SPEF1: variants seen among roughly 807,000 people sequenced by gnomAD.
SPEF1 encodes the protein sperm flagella and cilia-associated protein 1.
A neutral mutation model predicts 31.8 loss-of-function variants in SPEF1; 30 were observed. The ratio of observed to expected loss-of-function variants is 0.94; its 90% CI spans 0.70 to 1.28. The LOEUF (loss-of-function observed/expected upper bound fraction) is 1.28, where lower values mean the gene tolerates loss of function less well. SPEF1 is among the 50% of genes most tolerant of loss of function. The pLI is 0.00. For missense variants in SPEF1, 298 were observed against 309.6 expected (o/e 0.96, Z 0.28); for synonymous variants, 126 against 130.1 (o/e 0.97, Z 0.21).
chr20:3,779,842 TG>T, intron 1 of SPEF1, 67 bp from the exon 2 acceptor site: 1 of 199,204 alleles, frequency 5.0e-6, no homozygotes, highest in Non-Finnish European at 1.0e-5. Context: ...TGAGAGAAGG[TG>T]GGGGTGGGAG....
rs763609370 is a variant in SPEF1 at position 3,778,335 on chromosome 20, C to A, written c.604-16G>T. ...TCTGCAGGACCTAAGCCGCACCGCG[C>A]AGGCGTCAAGCCTGGCGGTCTGCTC... On this transcript the variant is annotated splice_polypyrimidine_tract_variant and intron_variant, in intron 6 of 6. Transcript: ENST00000379756. The A allele has an allele frequency of 6.2e-7, 1 of 1,612,336 alleles. No individual in the cohort carries two copies. Among genetic ancestry groups the A allele is most frequent in the East Asian group, 2.2e-5 (1 of 44,814 alleles).
In SPEF1 at chr20:3,778,537, G is replaced by T; in HGVS notation, c.487C>A (p.Arg163=). ...GCTGGAGGCCGAGGCGCCGGCGGCCGGTCCCAGCTGGGGTGGGAAGCAGCT... is the reference window on the plus strand; with the variant it reads ...GCTGGAGGCCGAGGCGCCGGCGGCCTGTCCCAGCTGGGGTGGGAAGCAGCT... ...PQGGGQLSWD[R]PPAPRPPAYN... is the part of the protein sequence containing the mutation. The change falls in exon 6 of 7, where the codon CGG becomes AGG. Residue 163 remains arginine, a synonymous_variant. Transcript: ENST00000379756. The T allele has an allele frequency of 6.2e-7, 1 of 1,606,336 alleles. No homozygotes were observed.
rs764364382 is a variant in SPEF1, at chr20:3,779,310, C to T, written c.264G>A (p.Val88=). 2 of 1,601,072 alleles carry T rather than the reference C, an allele frequency of 1.2e-6. No homozygotes were observed. Among genetic ancestry groups the T allele is most frequent in the Non-Finnish European group, 1.7e-6 (2 of 1,172,600 alleles). ...KRLNFSVPDD[V]MRKIAQCAPG... ...GGGCGCACTGCGCGATCTTGCGCATCACGTCATCCGGTACTGAAAAGTTCA... is the reference window on the plus strand; with the variant it reads ...GGGCGCACTGCGCGATCTTGCGCATTACGTCATCCGGTACTGAAAAGTTCA... Residue 88 remains valine, a synonymous_variant, in exon 3 of 7, where the codon GTG becomes GTA. Transcript: ENST00000379756.
At chr20:3,779,828 G>A (rs1241450241) in intron 1 of SPEF1, 53 bp from the exon 2 acceptor site, 5 of 734,564 alleles carry the variant, frequency 6.8e-6, no homozygotes, top group South Asian at 1.5e-5. Flanking sequence ...AAGGAAGGAG[G>A]AGGTGAGAGA....
intron 1 of SPEF1, among the ~76,000 whole-genome samples, chr20:3,780,334 C>CAAAAA (rs58819644): frequency 3.4e-5 from 2 of 58,318 alleles, no homozygotes; most frequent in African/African-American, 7.6e-5. Context: ...GACTCTGTCT[C>CAAAAA]AAAAAAAAAA....
Position 3,780,886 on chromosome 20 carries a change from A to G in SPEF1, c.109+293T>C, listed in dbSNP as rs747620530. Among the ~76,000 whole-genome samples the G allele has an allele frequency of 5.3e-5, 8 of 152,212 alleles. No homozygotes were observed. In the South Asian group the frequency reaches 8.3e-4, roughly 16 times the overall value. On this transcript the variant is annotated intron_variant, in intron 1 of 6. Transcript: ENST00000379756. ...CATAGCAATGAGTGAGCACATACAG[A>G]AATGCATAAATACATATGCAGACAC...
intron 1 of SPEF1, among the ~76,000 whole-genome samples, 170 bp downstream of exon 1, chr20:3,781,009 C>T (rs994826053): frequency 3.9e-5 from 6 of 152,162 alleles, no homozygotes; most frequent in Admixed American, 6.5e-5. Context: ...GGACACACAT[C>T]GTTCACACAC....
Position 3,781,199 on chromosome 20 carries a change from G to T in SPEF1, c.89C>A (p.Ser30Tyr). The T allele has an allele frequency of 6.2e-7, 1 of 1,614,208 alleles. No homozygotes were observed. The highest frequency in any genetic ancestry group is 8.5e-7 in the Non-Finnish European group (1 of 1,180,032). ...CACACCTCCATCGCTAAAGTCCCGG[G>T]AGAGGTTTCGCTTGGGCCGGGACAG... ...IPLSRPKRNL[S>Y]RDFSDGVLVA... The change falls in exon 1 of 7, where the codon TCC becomes TAC. Residue 30 changes from serine to tyrosine, a missense_variant. By Grantham distance (144) the Ser-to-Tyr change is moderately radical. Transcript: ENST00000379756.
intron 1 of SPEF1, among the ~76,000 whole-genome samples, chr20:3,780,334 CA>C (rs58819644): frequency 0.043 from 2,477 of 58,228 alleles, 21 homozygotes; most frequent in Middle Eastern, 0.12. Flanking sequence ...GACTCTGTCT[CA>C]AAAAAAAAAA....
chr20:3,778,907 G>A (rs1193238517), intron 4 of SPEF1, 44 bp downstream of exon 4: 8 of 1,613,656 alleles, frequency 5.0e-6, no homozygotes, highest in Non-Finnish European at 5.1e-6. Flanking sequence ...AAGGACAGAA[G>A]GAAAGCTCCA....
rs762706532 is a variant in SPEF1 at position 3,778,939 on chromosome 20, A to G, written c.418+12T>C. On this transcript the variant is annotated intron_variant, in intron 4 of 6. Transcript: ENST00000379756. ...TCCAACCGGGAGGGAGAAATGGAAA[A>G]GGCCACCTTACCCACATCCATGTAG... 8.7e-6 allele frequency: 14 copies of G among 1,614,126 alleles called. No individual in the cohort carries two copies. Among genetic ancestry groups the G allele is most frequent in the Non-Finnish European group, 1.2e-5 (14 of 1,179,976 alleles).
chr20:3,778,581 C>A, intron 5 of SPEF1, 37 bp from the exon 6 acceptor site: 1 of 1,585,388 alleles, frequency 6.3e-7, no homozygotes. Flanking sequence ...GCTTGGACCT[C>A]GGGCCCTACA....
Position 3,778,174 on chromosome 20 carries a change from C to G in SPEF1, c.*38G>C. ...GTCCGGCGCGGCGTCGGGGCTCTGG[C>G]GGGTACCCGGGCGTCCCCGCGCGGC... On this transcript the variant is annotated 3_prime_UTR_variant, in exon 7 of 7. Transcript: ENST00000379756. 4.9e-6 allele frequency: 7 copies of G among 1,428,890 alleles called. No homozygotes were observed. The highest frequency in any genetic ancestry group is 6.6e-6 in the Non-Finnish European group (7 of 1,060,040). 88.5% of individuals were successfully genotyped at this position (1,428,890 alleles called of 1,614,324 possible).
chr20:3,781,282 C>T lies in SPEF1; in HGVS notation c.6G>A (p.Ala2=), dbSNP rs1242539866. ...GCAGCGCCTCCTCGTCCACGCTGCT[C>T]GCCATTGGCGTCCTCACGGCCTGGC... M[A]SSVDEEALHQ... is the part of the protein sequence containing the mutation. Residue 2 remains alanine (A), a synonymous_variant, in exon 1 of 7, where the codon GCG becomes GCA. Transcript: ENST00000379756. 6 of 1,613,698 alleles carry T rather than the reference C, an allele frequency of 3.7e-6. No individual in the cohort carries two copies. The highest frequency in any genetic ancestry group is 2.2e-5 in the South Asian group (2 of 91,050).
At position 3,781,260 on chromosome 20, in the gene SPEF1, G is replaced by T; in HGVS notation, c.28C>A (p.Leu10Met). MASSVDEEALHQLYLWVDNI... is the reference protein window; with the variant it reads MASSVDEEAMHQLYLWVDNI... ...TCTACCCACAGGTACAGCTGGTGCAGCGCCTCCTCGTCCACGCTGCTCGCC... is the reference window on the plus strand; with the variant it reads ...TCTACCCACAGGTACAGCTGGTGCATCGCCTCCTCGTCCACGCTGCTCGCC... The change falls in exon 1 of 7, where the codon CTG becomes ATG. Residue 10 changes from leucine to methionine, a missense_variant. By Grantham distance (15) the Leu-to-Met change is conservative. Coordinates refer to ENST00000379756, the MANE Select transcript of SPEF1 (RefSeq NM_015417.5). The T allele has an allele frequency of 6.2e-7, 1 of 1,614,132 alleles. No individual in the cohort carries two copies. The highest frequency in any genetic ancestry group is 8.5e-7 in the Non-Finnish European group (1 of 1,180,010).
At chr20:3,780,324 G>T (rs1430815281) in intron 1 of SPEF1, among the ~76,000 whole-genome samples, 1 of 104,848 alleles carries the variant, frequency 9.5e-6, no homozygotes. Flanking sequence ...ACAAGAGTGA[G>T]ACTCTGTCTC....
intron 5 of SPEF1, 43 bp from the exon 6 acceptor site, chr20:3,778,587 C>T (rs1438396541): frequency 6.3e-7 from 1 of 1,580,856 alleles, no homozygotes. Context: ...ACCTCGGGCC[C>T]TACACTCACC....
In SPEF1 at chr20:3,778,679, C is replaced by T. The variant is rs1285488586; in HGVS notation, c.479+67G>A. On this transcript the variant is annotated intron_variant, in intron 5 of 6. Coordinates refer to ENST00000379756, the MANE Select transcript of SPEF1 (RefSeq NM_015417.5). ...CCCGTCTCAGGCTCAGCGTACCGTGCCCCCCAACCCCAGCTGTGTGCAGAG... is the reference window on the plus strand; with the variant it reads ...CCCGTCTCAGGCTCAGCGTACCGTGTCCCCCAACCCCAGCTGTGTGCAGAG... 4.4e-6 allele frequency: 7 copies of T among 1,587,670 alleles called. No homozygotes were observed. In the Admixed American group the frequency reaches 5.1e-5, roughly 12 times the overall value.
chr20:3,779,038 C>CAA, intron 3 of SPEF1, 48 bp from the exon 4 acceptor site: 1 of 1,613,342 alleles, frequency 6.2e-7, no homozygotes, highest in Non-Finnish European at 8.5e-7. Context: ...CAGTCATCCC[C>CAA]AAGGAGCCCC....
Sources: gnomAD v4.1 joint callset for allele counts (sites outside exome capture counted in the v4.1 genomes callset) on GRCh38, gnomAD v4.1.1 for gene constraint, MANE v1.5 for transcripts, NCBI Gene and HGNC (gene_info 2026-07-23, HGNC 2026-07-21) for gene names.